DACH2: variants seen among roughly 807,000 people sequenced by gnomAD.
DACH2 encodes dachshund homolog 2.
Under a neutral mutation model 35.8 loss-of-function variants are expected in DACH2, and 17 were observed. The observed-to-expected ratio is 0.48, with a 90% CI of 0.33 to 0.71. The LOEUF (loss-of-function observed/expected upper bound fraction) is 0.71. Among genes scored for constraint, DACH2 ranks in the 30% least tolerant of loss-of-function variants. The pLI, the probability that DACH2 is intolerant of heterozygous loss-of-function variation, is 0.02. For missense variants in DACH2, 469 were observed against 472.7 expected (o/e 0.99, Z 0.07); for synonymous variants, 195 against 177.3 (o/e 1.10, Z -0.79).
intron 3 of DACH2, 95 bp downstream of exon 3, chrX:86,514,486 C>A: frequency 2.4e-6 from 2 of 832,905 alleles, no homozygotes; most frequent in Non-Finnish European, 3.3e-6. Flanking sequence ...TCCTTCAGAG[C>A]TTTTCAAGCT....
At chrX:86,818,596 G>A (rs991219621) in intron 11 of DACH2, among the ~76,000 whole-genome samples, 1 of 111,159 alleles carries the variant, frequency 9.0e-6, no homozygotes, top group Admixed American at 9.6e-5. Context: ...TTTTGATACT[G>A]TTTTAATCTT....
At chrX:86,676,902 T>C (rs990191229) in intron 4 of DACH2, among the ~76,000 whole-genome samples, 6 of 111,654 alleles carry the variant, frequency 5.4e-5, no homozygotes, top group African/African-American at 2.0e-4. Context: ...ACTAGATTAG[T>C]ACAGTTACAT....
At chrX:86,160,287 C>A in intron 1 of DACH2, 8 of 1,186,804 alleles carry the variant, frequency 6.7e-6, no homozygotes, top group Non-Finnish European at 9.1e-6. Context: ...GCTCCAGCAG[C>A]CTTCTGATCC....
chrX:86,619,849 T>C (rs1461601065), intron 3 of DACH2, among the ~76,000 whole-genome samples: 1 of 112,148 alleles, frequency 8.9e-6, no homozygotes. Context: ...ATGCTTAGAG[T>C]TGTGCTATAT....
intron 2 of DACH2, among the ~76,000 whole-genome samples, chrX:86,439,541 T>C (rs988120730): frequency 2.7e-5 from 3 of 111,678 alleles, no homozygotes; most frequent in African/African-American, 9.7e-5. Context: ...GTCTCACGTT[T>C]GAATCTTTAA....
rs747778974 is a variant in DACH2, at chrX:86,722,358, C to T, written c.1104+7638C>T. Reference sequence around the variant, plus strand: ...ATCTTATTTATGTATTTATGTATTTCTTTATTTAAAGACAGTGTTTTGCTC... The same window carrying T: ...ATCTTATTTATGTATTTATGTATTTTTTTATTTAAAGACAGTGTTTTGCTC... On this transcript the variant is annotated intron_variant, in intron 6 of 11. Transcript: ENST00000373125. Among the ~76,000 whole-genome samples the T allele has an allele frequency of 3.6e-5, 4 of 110,306 alleles. No homozygotes were observed. The East Asian group carries it at 1.1e-3, about 32-fold the overall frequency.
chrX:86,336,461 G>C (rs1263534776), intron 1 of DACH2, among the ~76,000 whole-genome samples: 1 of 111,643 alleles, frequency 9.0e-6, no homozygotes, highest in Non-Finnish European at 1.9e-5. Context: ...AGGGTCTGGA[G>C]TGGACCTTCA....
At chrX:86,538,110 G>T (rs1187732694) in intron 3 of DACH2, among the ~76,000 whole-genome samples, 1 of 111,045 alleles carries the variant, frequency 9.0e-6, no homozygotes, top group Non-Finnish European at 1.9e-5. Flanking sequence ...CTCACACAAA[G>T]CCTGTTTGGT....
intron 3 of DACH2, among the ~76,000 whole-genome samples, chrX:86,535,959 C>T (rs1214685936): frequency 9.0e-6 from 1 of 110,882 alleles, no homozygotes; most frequent in Non-Finnish European, 1.9e-5. Context: ...AGCGGCACGG[C>T]AAAGGAGACA....
At chrX:86,216,308 A>G (rs1382481147) in intron 1 of DACH2, among the ~76,000 whole-genome samples, 1 of 111,352 alleles carries the variant, frequency 9.0e-6, no homozygotes, top group Non-Finnish European at 1.9e-5. Flanking sequence ...TGCTGTACCC[A>G]TCAACTCTTC....
intron 2 of DACH2, among the ~76,000 whole-genome samples, chrX:86,482,808 C>T (rs1229270229): frequency 9.1e-6 from 1 of 110,134 alleles, no homozygotes; most frequent in East Asian, 2.9e-4. Context: ...TACTATGCAG[C>T]CGTAAAAAAT....
At chrX:86,721,511 C>A (rs1233316422) in intron 6 of DACH2, among the ~76,000 whole-genome samples, 1 of 111,579 alleles carries the variant, frequency 9.0e-6, no homozygotes, top group African/African-American at 3.3e-5. Flanking sequence ...CTTTATTGTG[C>A]ATATCACTGT....
At chrX:86,198,836 A>G (rs2032065555) in intron 1 of DACH2, among the ~76,000 whole-genome samples, 1 of 111,195 alleles carries the variant, frequency 9.0e-6, no homozygotes, top group Non-Finnish European at 1.9e-5. Context: ...TATCAGATGT[A>G]CAAAGAAGAG....
chrX:86,231,163 G>A (rs1050901209), intron 1 of DACH2, among the ~76,000 whole-genome samples: 4 of 111,967 alleles, frequency 3.6e-5, no homozygotes, highest in African/African-American at 1.3e-4. Context: ...CTGTATCCCA[G>A]AGGTTTTCAT....
chrX:86,276,206 C>T (rs1389174032), intron 1 of DACH2, among the ~76,000 whole-genome samples: 1 of 111,852 alleles, frequency 8.9e-6, no homozygotes, highest in Admixed American at 9.5e-5. Flanking sequence ...TATTGCCTGT[C>T]TTTTGGATAT....
chrX:86,807,359 A>C (rs1435532931), intron 7 of DACH2, among the ~76,000 whole-genome samples: 5 of 111,717 alleles, frequency 4.5e-5, no homozygotes, highest in African/African-American at 1.3e-4. Flanking sequence ...ATTAATATTT[A>C]TAACAGCCCT....
intron 1 of DACH2, among the ~76,000 whole-genome samples, chrX:86,356,975 G>T (rs1374931956): frequency 1.8e-5 from 2 of 110,855 alleles, no homozygotes; most frequent in Non-Finnish European, 3.8e-5. Context: ...TGTCTTCTGA[G>T]TCTCCATAGT....
At chrX:86,800,886 T>A (rs1359707069) in intron 7 of DACH2, among the ~76,000 whole-genome samples, 3 of 110,633 alleles carry the variant, frequency 2.7e-5, no homozygotes, top group Non-Finnish European at 3.8e-5. Context: ...GCCAGGCTGG[T>A]CTTGAACTCC....
chrX:86,294,252 C>T (rs771192811), intron 1 of DACH2, among the ~76,000 whole-genome samples: 2 of 111,630 alleles, frequency 1.8e-5, no homozygotes, highest in Non-Finnish European at 3.8e-5. Context: ...ACGTAGTTCT[C>T]GAGCCTTGGT....
Sources: allele counts gnomAD v4.1 joint callset (sites outside exome capture counted in the v4.1 genomes callset), GRCh38; gene constraint gnomAD v4.1.1; transcripts MANE v1.5; gene names NCBI Gene and HGNC (gene_info 2026-07-23, HGNC 2026-07-21).